The following FOXN3 variants were observed in gnomAD, a reference collection of about 807,000 sequenced individuals.
FOXN3 encodes the protein forkhead box N3, also known as forkhead box protein N3.
FOXN3 carries 7 observed loss-of-function variants against 38.4 expected under a neutral mutation model. That is an observed-to-expected ratio of 0.18 (90% CI 0.10 to 0.34). The LOEUF is 0.34. Ranked by LOEUF, FOXN3 falls within the 10% of genes least tolerant of loss-of-function variation. FOXN3 has a pLI of 1.00. For missense variants in FOXN3, 456 were observed against 613.4 expected, an observed-to-expected ratio of 0.74 and a Z score of 2.71; for synonymous variants, 230 against 242.2, an observed-to-expected ratio of 0.95 and a Z score of 0.47.
chr14:89,387,121 G>A (rs186160997), intron 2 of FOXN3, among the ~76,000 whole-genome samples: 84 of 152,254 alleles, frequency 5.5e-4, no homozygotes, highest in Admixed American at 5.1e-3. Context: ...AGCCAGATGT[G>A]GTGGTGTACC....
intron 2 of FOXN3, among the ~76,000 whole-genome samples, chr14:89,377,020 C>A (rs1356318964): frequency 1.2e-4 from 5 of 42,784 alleles, no homozygotes; most frequent in Non-Finnish European, 1.7e-4. Context: ...GACTCTGTCT[C>A]AAAAAAAAAA....
Position 89,613,000 on chromosome 14 carries a change from C to T in FOXN3, c.-15+6028G>A, listed in dbSNP as rs1460419210. On this transcript the variant is annotated intron_variant, in intron 1 of 6. Coordinates refer to the FOXN3 transcript ENST00000345097. Reference sequence around the variant, plus strand: ...GGCGTGGTGGCACGCACCTGTAATCCCAGCTACTCAGGAGGCTGAGGCAGG... The same window carrying T: ...GGCGTGGTGGCACGCACCTGTAATCTCAGCTACTCAGGAGGCTGAGGCAGG... Among the ~76,000 whole-genome samples the T allele has an allele frequency of 2.6e-5, 4 of 151,412 alleles. No homozygotes were observed. The East Asian group carries it at 5.9e-4, about 22-fold the overall frequency.
At chr14:89,370,954 C>T (rs549236505) in intron 2 of FOXN3, among the ~76,000 whole-genome samples, 17 of 151,968 alleles carry the variant, frequency 1.1e-4, no homozygotes, top group Admixed American at 3.3e-4. Flanking sequence ...AGCAGTGCAG[C>T]GGTTCCCCAA....
chr14:89,527,089 G>A (rs563938565), intron 1 of FOXN3, among the ~76,000 whole-genome samples: 18 of 151,518 alleles, frequency 1.2e-4, no homozygotes, highest in African/African-American at 4.1e-4. Context: ...GAGAGGAGGA[G>A]GAAGGGGAGG....
At chr14:89,612,752 G>A (rs1423297170) in intron 1 of FOXN3, among the ~76,000 whole-genome samples, 2 of 151,858 alleles carry the variant, frequency 1.3e-5, no homozygotes, top group African/African-American at 2.4e-5. Context: ...CCAAGAGTTC[G>A]AGGCTGCAGT....
intron 1 of FOXN3, among the ~76,000 whole-genome samples, chr14:89,473,117 C>A (rs1468538344): frequency 6.6e-6 from 1 of 150,992 alleles, no homozygotes; most frequent in Non-Finnish European, 1.5e-5. Flanking sequence ...CTCCATCTCC[C>A]GAGTTCACGC....
chr14:89,283,963 C>G (rs1293758648), intron 3 of FOXN3, among the ~76,000 whole-genome samples: 1 of 152,106 alleles, frequency 6.6e-6, no homozygotes, highest in African/African-American at 2.4e-5. Context: ...CAGGTTCAAG[C>G]AATTCTCCTG....
chr14:89,215,807 G>A (rs1265062057), intron 4 of FOXN3, among the ~76,000 whole-genome samples: 1 of 151,872 alleles, frequency 6.6e-6, no homozygotes, highest in Non-Finnish European at 1.5e-5. Flanking sequence ...TGGCGGCGGC[G>A]GCAAGACAGC....
At chr14:89,510,896 T>TG (rs1894042918) in intron 1 of FOXN3, among the ~76,000 whole-genome samples, 4 of 152,030 alleles carry the variant, frequency 2.6e-5, no homozygotes, top group Non-Finnish European at 5.9e-5. Context: ...TGAGCTGAGA[T>TG]CACACCACTG....
intron 1 of FOXN3, among the ~76,000 whole-genome samples, chr14:89,508,426 G>T (rs993931391): frequency 6.6e-6 from 1 of 152,322 alleles, no homozygotes; most frequent in Non-Finnish European, 1.5e-5. Context: ...ATTCCACAGA[G>T]CCAGAGTATC....
At chr14:89,336,186 G>C (rs994227297) in intron 3 of FOXN3, among the ~76,000 whole-genome samples, 1 of 113,698 alleles carries the variant, frequency 8.8e-6, no homozygotes, top group Non-Finnish European at 1.9e-5. Flanking sequence ...ATAATCCTTA[G>C]TCACCCCTTC....
At chr14:89,244,845 T>C (rs1013103450) in intron 4 of FOXN3, among the ~76,000 whole-genome samples, 4 of 152,198 alleles carry the variant, frequency 2.6e-5, no homozygotes, top group African/African-American at 9.7e-5. Flanking sequence ...ATCATCAAAT[T>C]TTCTTTTTGC....
chr14:89,293,034 C>T (rs1220873991), intron 3 of FOXN3, among the ~76,000 whole-genome samples: 2 of 152,232 alleles, frequency 1.3e-5, no homozygotes, highest in Admixed American at 6.5e-5. Flanking sequence ...CTCGGCCCCA[C>T]CATCAGAGCA....
intron 3 of FOXN3, among the ~76,000 whole-genome samples, chr14:89,337,694 A>G (rs1205559114): frequency 1.3e-5 from 2 of 151,610 alleles, no homozygotes; most frequent in East Asian, 2.0e-4. Flanking sequence ...CAGTGGCACA[A>G]TCTCAGCTCA....
intron 1 of FOXN3, among the ~76,000 whole-genome samples, chr14:89,493,461 A>G (rs1283045177): frequency 6.6e-6 from 1 of 152,200 alleles, no homozygotes; most frequent in Non-Finnish European, 1.5e-5. Flanking sequence ...TACAAAGTCT[A>G]TCATCTTTAC....
intron 3 of FOXN3, among the ~76,000 whole-genome samples, chr14:89,287,039 G>A (rs189554602): frequency 1.1e-4 from 16 of 152,206 alleles, no homozygotes; most frequent in Admixed American, 9.8e-4. Flanking sequence ...CTTTTAACTT[G>A]TCAAAGTCTC....
At chr14:89,187,900 C>A (rs1391416218) in intron 4 of FOXN3, among the ~76,000 whole-genome samples, 5 of 152,156 alleles carry the variant, frequency 3.3e-5, no homozygotes, top group Non-Finnish European at 4.4e-5. Flanking sequence ...ACCTCCAGGG[C>A]ATTGAACCAG....
At chr14:89,395,100 T>A (rs1028353633) in intron 2 of FOXN3, among the ~76,000 whole-genome samples, 1 of 152,224 alleles carries the variant, frequency 6.6e-6, no homozygotes, top group Admixed American at 6.5e-5. Flanking sequence ...CTAGCTCCTT[T>A]GCTTTGGGCA....
At chr14:89,492,085 C>G (rs1893587568) in intron 1 of FOXN3, among the ~76,000 whole-genome samples, 1 of 152,224 alleles carries the variant, frequency 6.6e-6, no homozygotes, top group African/African-American at 2.4e-5. Context: ...AAAAGTTGAA[C>G]TAGTCATCCA....
Sources: allele counts gnomAD v4.1 joint callset (sites outside exome capture counted in the v4.1 genomes callset), GRCh38; gene constraint gnomAD v4.1.1; transcripts MANE v1.5; gene names NCBI Gene and HGNC (gene_info 2026-07-23, HGNC 2026-07-21).